Variants in MTO1 observed in about 807,000 individuals in gnomAD.
MTO1 encodes 5-taurinomethyluridine-[tRNA] synthase subunit MTO1, mitochondrial.
Under a neutral mutation model 71.6 loss-of-function variants are expected in MTO1, and 46 were observed. The ratio of observed to expected loss-of-function variants is 0.64; its 90% CI spans 0.51 to 0.82. The LOEUF (loss-of-function observed/expected upper bound fraction) is 0.82. Among genes scored for constraint, MTO1 ranks in the 40% least tolerant of loss-of-function variants. The probability of loss-of-function intolerance (pLI) is 0.00; values close to 1 mark genes in which losing one functional copy is unlikely to be tolerated. For missense variants in MTO1, 773 were observed against 867.5 expected, an observed-to-expected ratio of 0.89 and a Z score of 1.37; for synonymous variants, 297 against 312.1, an observed-to-expected ratio of 0.95 and a Z score of 0.51.
chr6:73,476,732 A>G (rs1432070319), intron 4 of MTO1, among the ~76,000 whole-genome samples: 2 of 151,996 alleles, frequency 1.3e-5, no homozygotes, highest in African/African-American at 4.8e-5. Context: ...ACATCCTTTT[A>G]TATAACCCTT....
intron 9 of MTO1, chr6:73,486,588 A>G (rs778510740): frequency 1.1e-5 from 5 of 439,462 alleles, no homozygotes; most frequent in South Asian, 3.2e-5. Flanking sequence ...AAAATACACA[A>G]ATTTTCCAGG....
rs1772142703 is a variant in MTO1, at chr6:73,500,882, A to C, written c.*147A>C. ...TTAATTTCTGAGTGGGACAGAAATT[A>C]TAATTGTGCTTTTTCGTGTATATGA... On this transcript the variant is annotated 3_prime_UTR_variant, in exon 12 of 12. Transcript: ENST00000498286. 1 of 630,988 alleles carries C rather than the reference A, an allele frequency of 1.6e-6. No individual in the cohort carries two copies. 39.1% of individuals were successfully genotyped at this position (630,988 alleles called of 1,614,324 possible).
At chr6:73,462,626 G>A (rs970425583) in intron 1 of MTO1, among the ~76,000 whole-genome samples, 1 of 152,100 alleles carries the variant, frequency 6.6e-6, no homozygotes, top group Non-Finnish European at 1.5e-5. Flanking sequence ...CTACTCGGGA[G>A]TCTGAGGCAG....
intron 9 of MTO1, chr6:73,487,500 A>C (rs1350828681): frequency 7.1e-6 from 1 of 140,256 alleles, no homozygotes; most frequent in Non-Finnish European, 1.5e-5. Context: ...AATTTTTTTG[A>C]GTGTATACCC....
intron 9 of MTO1, chr6:73,486,633 G>A (rs1416803526): frequency 2.3e-6 from 1 of 429,562 alleles, no homozygotes; most frequent in South Asian, 1.6e-5. Flanking sequence ...AGCTACTTGG[G>A]AGGCAGAGGC....
intron 9 of MTO1, among the ~76,000 whole-genome samples, chr6:73,483,283 C>T (rs1313177584): frequency 6.6e-6 from 1 of 151,886 alleles, no homozygotes; most frequent in Non-Finnish European, 1.5e-5. Context: ...GTAGTGCACA[C>T]CTGTAATCCC....
intron 9 of MTO1, among the ~76,000 whole-genome samples, chr6:73,489,817 G>A (rs866497816): frequency 6.6e-6 from 1 of 152,100 alleles, no homozygotes; most frequent in Admixed American, 6.6e-5. Flanking sequence ...TAATGGAATG[G>A]CTGGGTCAAA....
intron 3 of MTO1, among the ~76,000 whole-genome samples, chr6:73,469,996 C>T (rs898566246): frequency 6.6e-6 from 1 of 151,842 alleles, no homozygotes; most frequent in African/African-American, 2.4e-5. Flanking sequence ...GAGCAAAACT[C>T]CGTCTCAAAA....
At chr6:73,494,508 G>A (rs6453678) in intron 10 of MTO1, among the ~76,000 whole-genome samples, 9,747 of 142,404 alleles carry the variant, frequency 0.068, 441 homozygotes, top group East Asian at 0.19. Context: ...ACGGAGTCTC[G>A]CTTTGTCGCC....
rs772279517 is a variant in MTO1, at chr6:73,482,603, T to C, written c.1620T>C (p.Ser540=). 1 of 1,601,974 alleles carries C rather than the reference T, an allele frequency of 6.2e-7. No homozygotes were observed. Among genetic ancestry groups the C allele is most frequent in the Admixed American group, 1.8e-5 (1 of 56,304 alleles). ...TCCCAGAGGCTTCTATAAGTACTAG[T>C]AGAAGTCTGCCTGTCAGGTATGCAT... The part of the protein sequence containing the change: ...KLIPEASIST[S]RSLPVRALDV... The change falls in exon 9 of 12, where the codon AGT becomes AGC. Residue 540 remains serine (S), a synonymous_variant. Transcript: ENST00000498286.
intron 4 of MTO1, among the ~76,000 whole-genome samples, chr6:73,475,221 T>C (rs1426024900): frequency 6.6e-6 from 1 of 151,816 alleles, no homozygotes; most frequent in East Asian, 1.9e-4. Context: ...CCTCAGCCTC[T>C]CAAAGTGCTG....
chr6:73,500,092 C>T (rs1772112605), intron 11 of MTO1, among the ~76,000 whole-genome samples: 1 of 152,168 alleles, frequency 6.6e-6, no homozygotes, highest in East Asian at 1.9e-4. Context: ...CTCGACCTCC[C>T]AGGCTCAAGT....
rs1260210288 is a variant in MTO1 at position 73,507,949 on chromosome 6, C to G, written c.*7214C>G. 7.1e-6 allele frequency: 1 copy of G among 141,314 alleles called. No homozygotes were observed. Among genetic ancestry groups the G allele is most frequent in the Non-Finnish European group, 1.5e-5 (1 of 66,814 alleles). 8.8% of individuals were successfully genotyped at this position (141,314 alleles called of 1,614,324 possible). A position where few individuals can be genotyped will look rare whatever the true frequency, so the allele number is the denominator to read the frequency against. On this transcript the variant is annotated 3_prime_UTR_variant, in exon 12 of 12. Coordinates refer to ENST00000498286, the MANE Select transcript of MTO1 (RefSeq NM_012123.4). ...CCGAGATCGCGCCACTGCACTCTAG[C>G]CTGGGCGACAAAGCGAGACTCTGTC...
Position 73,504,975 on chromosome 6 carries a change from G to A in MTO1, c.*4240G>A, listed in dbSNP as rs1772247011. 6.6e-6 allele frequency: 1 copy of A among 152,018 alleles called. No homozygotes were observed. Among genetic ancestry groups the A allele is most frequent in the Non-Finnish European group, 1.5e-5 (1 of 68,016 alleles). 9.4% of individuals were successfully genotyped at this position (152,018 alleles called of 1,614,324 possible). A position where few individuals can be genotyped will look rare whatever the true frequency, so the allele number is the denominator to read the frequency against. ...AGCGCAAGCAGATCACTTGAGGATA[G>A]GAGTTTGAGACCAGCCTGACCAACA... On this transcript the variant is annotated 3_prime_UTR_variant, in exon 12 of 12. Coordinates refer to ENST00000498286, the MANE Select transcript of MTO1 (RefSeq NM_012123.4).
chr6:73,503,495 T>C lies in MTO1; in HGVS notation c.*2760T>C, dbSNP rs1772214680. 1 of 152,240 alleles carries C rather than the reference T, an allele frequency of 6.6e-6. No individual in the cohort carries two copies. The highest frequency in any genetic ancestry group is 6.5e-5 in the Admixed American group (1 of 15,272). The allele number at this position is 152,240 out of a possible 1,614,324, so 9.4% of individuals were successfully genotyped here. On this transcript the variant is annotated 3_prime_UTR_variant, in exon 12 of 12. Transcript: ENST00000498286. ...TAATATGTCAAAACAGCCTACCCTC[T>C]GGTGCTGCTATGCAGAAGTACTACA...
At chr6:73,488,984 T>A (rs1224976915) in intron 9 of MTO1, among the ~76,000 whole-genome samples, 1 of 152,242 alleles carries the variant, frequency 6.6e-6, no homozygotes, top group Non-Finnish European at 1.5e-5. Flanking sequence ...TTTTGTTTCT[T>A]GTGCTTTTGG....
chr6:73,492,696 C>A, intron 10 of MTO1: 1 of 200,912 alleles, frequency 5.0e-6, no homozygotes, highest in Non-Finnish European at 1.0e-5. Flanking sequence ...GCCTGTAGTG[C>A]CAACTACTAT....
chr6:73,490,742 C>T (rs1771780839), intron 9 of MTO1, among the ~76,000 whole-genome samples: 1 of 149,536 alleles, frequency 6.7e-6, no homozygotes, highest in African/African-American at 2.5e-5. Context: ...AAAGCCATGG[C>T]AATAACCTTC....
In MTO1 at chr6:73,505,370, T is replaced by A. The variant is rs1457552605; in HGVS notation, c.*4635T>A. 6 of 152,152 alleles carry A rather than the reference T, an allele frequency of 3.9e-5. No homozygotes were observed. Among genetic ancestry groups the A allele is most frequent in the Non-Finnish European group, 8.8e-5 (6 of 68,050 alleles). 9.4% of individuals were successfully genotyped at this position (152,152 alleles called of 1,614,324 possible). A position where few individuals can be genotyped will look rare whatever the true frequency, so the allele number is the denominator to read the frequency against. ...TACATGCTACAGCATGGATAAACCTTGAAAAAGTTATGCTAACTGAAATCA... is the reference window on the plus strand; with the variant it reads ...TACATGCTACAGCATGGATAAACCTAGAAAAAGTTATGCTAACTGAAATCA... On this transcript the variant is annotated 3_prime_UTR_variant, in exon 12 of 12. Coordinates refer to ENST00000498286, the MANE Select transcript of MTO1 (RefSeq NM_012123.4).
Sources: allele counts gnomAD v4.1 joint callset (sites outside exome capture counted in the v4.1 genomes callset), GRCh38; gene constraint gnomAD v4.1.1; transcripts MANE v1.5; gene names NCBI Gene and HGNC (gene_info 2026-07-23, HGNC 2026-07-21).